ENTREP2: variants seen among roughly 807,000 people sequenced by gnomAD.
ENTREP2 encodes the protein endosomal transmembrane epsin interactor 2.
the ENTREP2 span, among the ~76,000 whole-genome samples, chr15:29,310,823 G>A: frequency 2.0e-5 from 3 of 152,162 alleles, no homozygotes; most frequent in Admixed American, 2.0e-4. Context: ...ACAAAGGAAG[G>A]ACTCAAAGTG....
At chr15:29,417,256 C>G in the ENTREP2 span, among the ~76,000 whole-genome samples, 4 of 152,162 alleles carry the variant, frequency 2.6e-5, no homozygotes, top group African/African-American at 9.7e-5. Flanking sequence ...AAATATCCAA[C>G]AATGATAGAC....
At chr15:29,410,306 T>C in the ENTREP2 span, among the ~76,000 whole-genome samples, 1 of 152,162 alleles carries the variant, frequency 6.6e-6, no homozygotes, top group Non-Finnish European at 1.5e-5. Flanking sequence ...AAAAACAGTG[T>C]CATAGAAAAA....
chr15:29,570,089 A>AG, the ENTREP2 span: 1 of 119,506 alleles, frequency 8.4e-6, no homozygotes, highest in Non-Finnish European at 1.6e-5. Context: ...GGCCGCCGCG[A>AG]GGGTGAGAGG....
chr15:29,424,016 G>A, the ENTREP2 span, among the ~76,000 whole-genome samples: 2 of 152,202 alleles, frequency 1.3e-5, no homozygotes. Context: ...GACCCTCACG[G>A]TGAGTGTCAC....
At chr15:29,506,848 C>T in the ENTREP2 span, among the ~76,000 whole-genome samples, 1 of 152,130 alleles carries the variant, frequency 6.6e-6, no homozygotes, top group Admixed American at 6.6e-5. Flanking sequence ...ACTGCATCAA[C>T]AATGGGCAAA....
chr15:29,644,915 G>A, the ENTREP2 span, among the ~76,000 whole-genome samples: 23 of 151,606 alleles, frequency 1.5e-4, no homozygotes, highest in African/African-American at 4.8e-4. Context: ...CCAGTCAGAA[G>A]AAATTGGGAT....
At chr15:29,571,881 G>C in the ENTREP2 span, among the ~76,000 whole-genome samples, 4 of 152,198 alleles carry the variant, frequency 2.6e-5, no homozygotes, top group African/African-American at 9.7e-5. Context: ...ACCAGCGTTA[G>C]GGAGTCTGAA....
At chr15:29,200,737 T>A in the ENTREP2 span, among the ~76,000 whole-genome samples, 1 of 151,964 alleles carries the variant, frequency 6.6e-6, no homozygotes, top group Non-Finnish European at 1.5e-5. Flanking sequence ...TTTTTTTGTA[T>A]TTTTAGTAGA....
the ENTREP2 span, among the ~76,000 whole-genome samples, chr15:29,546,890 AAAAAAAACAACAAC>A: frequency 1.4e-3 from 151 of 110,960 alleles, 8 homozygotes; most frequent in African/African-American, 6.2e-3. Context: ...CCATCTCAAA[AAAAAAAACAACAAC>A]AAAAAAAAAA....
At chr15:29,663,828 G>A in the ENTREP2 span, among the ~76,000 whole-genome samples, 1 of 152,012 alleles carries the variant, frequency 6.6e-6, no homozygotes, top group Admixed American at 6.5e-5. Context: ...AAACCTGCAC[G>A]TTGTGCACAT....
chr15:29,128,328 C>G, the ENTREP2 span, among the ~76,000 whole-genome samples: 1 of 152,152 alleles, frequency 6.6e-6, no homozygotes, highest in Non-Finnish European at 1.5e-5. Flanking sequence ...CCCTTGCACA[C>G]GTGTCCTTCA....
the ENTREP2 span, among the ~76,000 whole-genome samples, chr15:29,158,114 ACT>A: frequency 1.3e-5 from 2 of 152,342 alleles, no homozygotes; most frequent in East Asian, 3.9e-4. Context: ...CACATAATCC[ACT>A]GTCATTTAAA....
the ENTREP2 span, among the ~76,000 whole-genome samples, chr15:29,223,874 A>G: frequency 6.6e-6 from 1 of 152,222 alleles, no homozygotes. Context: ...CTCAGCTGAC[A>G]GAGGACTGAC....
the ENTREP2 span, chr15:29,123,437 C>A: frequency 3.9e-6 from 6 of 1,551,648 alleles, no homozygotes; most frequent in South Asian, 1.2e-5. Context: ...ATGTGCTGTG[C>A]CTCGGTGGGG....
chr15:29,182,845 A>T, the ENTREP2 span, among the ~76,000 whole-genome samples: 2 of 152,166 alleles, frequency 1.3e-5, no homozygotes, highest in Non-Finnish European at 1.5e-5. Flanking sequence ...CCAATAAAAA[A>T]AAAGAGCCCT....
the ENTREP2 span, among the ~76,000 whole-genome samples, chr15:29,351,457 G>A: frequency 3.9e-4 from 60 of 152,050 alleles, no homozygotes; most frequent in Non-Finnish European, 4.3e-4. Flanking sequence ...ATAACAGGAG[G>A]AGTGATATGC....
the ENTREP2 span, among the ~76,000 whole-genome samples, chr15:29,632,066 T>G: frequency 1.3e-5 from 2 of 152,218 alleles, no homozygotes; most frequent in Admixed American, 1.3e-4. Flanking sequence ...GCTAGATAAA[T>G]AAGGTTTTTC....
chr15:29,595,981 G>C, the ENTREP2 span, among the ~76,000 whole-genome samples: 2 of 152,006 alleles, frequency 1.3e-5, no homozygotes, highest in Non-Finnish European at 2.9e-5. Context: ...TCCAACCTGA[G>C]TCCTAGGTTC....
the ENTREP2 span, among the ~76,000 whole-genome samples, chr15:29,532,472 A>G: frequency 6.6e-6 from 1 of 152,206 alleles, no homozygotes; most frequent in Admixed American, 6.5e-5. Context: ...GGCAGACACA[A>G]AACTGGTGCA....
Sources: allele counts gnomAD v4.1 joint callset (sites outside exome capture counted in the v4.1 genomes callset), GRCh38; gene constraint gnomAD v4.1.1; transcripts MANE v1.5; gene names NCBI Gene and HGNC (gene_info 2026-07-23, HGNC 2026-07-21).